PRDM16: variants seen among roughly 807,000 people sequenced by gnomAD.
The protein encoded by PRDM16 is PR/SET domain 16.
In PRDM16, 23 loss-of-function variants were observed where a neutral mutation model predicts 110.6. The observed-to-expected ratio is 0.21, with a 90% CI of 0.15 to 0.29. The LOEUF (loss-of-function observed/expected upper bound fraction) is 0.29, where lower values mean the gene tolerates loss of function less well. PRDM16 is among the 10% of genes least tolerant of loss of function. The probability of loss-of-function intolerance (pLI) is 1.00; values close to 1 mark genes in which losing one functional copy is unlikely to be tolerated. For synonymous variants in PRDM16, 799 were observed against 781.8 expected (o/e 1.02, Z -0.37); for missense variants, 1,615 against 1,794.3 (o/e 0.90, Z 1.81).
intron 1 of PRDM16, among the ~76,000 whole-genome samples, chr1:3,163,596 G>T (rs995719585): frequency 6.6e-6 from 1 of 152,152 alleles, no homozygotes; most frequent in Non-Finnish European, 1.5e-5. Context: ...CTCCTCCCAC[G>T]GTCCTCAGGG....
At chr1:3,342,519 A>G (rs1642291152) in intron 3 of PRDM16, among the ~76,000 whole-genome samples, 1 of 152,234 alleles carries the variant, frequency 6.6e-6, no homozygotes, top group Non-Finnish European at 1.5e-5. Context: ...CCATGCCTGT[A>G]TGATGTGTGA....
chr1:3,109,638 C>T (rs943791553), intron 1 of PRDM16, among the ~76,000 whole-genome samples: 6 of 152,188 alleles, frequency 3.9e-5, no homozygotes, highest in Non-Finnish European at 7.3e-5. Context: ...GGCAAGAATC[C>T]GAACTCCTCC....
chr1:3,229,234 T>TA (rs1165307122), intron 2 of PRDM16, among the ~76,000 whole-genome samples: 1 of 152,168 alleles, frequency 6.6e-6, no homozygotes, highest in Non-Finnish European at 1.5e-5. Flanking sequence ...GGGCCATCGT[T>TA]ACCCACACAC....
Position 3,255,716 on chromosome 1 carries a change from G to A in PRDM16, c.438+11579G>A, listed in dbSNP as rs1640028503. Among the ~76,000 whole-genome samples, 1 of 152,208 alleles carries A rather than the reference G, an allele frequency of 6.6e-6. No individual in the cohort carries two copies. Among genetic ancestry groups the A allele is most frequent in the Non-Finnish European group, 1.5e-5 (1 of 68,024 alleles). ...CTGCCTGCCCCCCTTGGATGCCAGA[G>A]CTATCTGGGAGTTGTGAAATATTCC... On this transcript the variant is annotated intron_variant, in intron 3 of 16. Transcript: ENST00000270722. This position sits in a 1 kb window ranked among gnomAD's most constrained non-coding sequence, Gnocchi z 4.7.
intron 1 of PRDM16, among the ~76,000 whole-genome samples, chr1:3,131,461 AT>A (rs1643333901): frequency 6.6e-6 from 1 of 152,194 alleles, no homozygotes. Context: ...TTGTAGTTCC[AT>A]TCACAGAGCT....
intron 1 of PRDM16, among the ~76,000 whole-genome samples, chr1:3,083,905 G>C (rs961886225): frequency 4.6e-5 from 7 of 152,222 alleles, no homozygotes. Flanking sequence ...CATGGAACAC[G>C]TGGTTGACAC....
At chr1:3,110,859 C>T (rs1642775302) in intron 1 of PRDM16, among the ~76,000 whole-genome samples, 1 of 152,134 alleles carries the variant, frequency 6.6e-6, no homozygotes, top group African/African-American at 2.4e-5. Context: ...GGATGAGGTG[C>T]AGCTCTTGGG....
chr1:3,200,995 G>A (rs1185033824), intron 2 of PRDM16, among the ~76,000 whole-genome samples: 1 of 151,908 alleles, frequency 6.6e-6, no homozygotes, highest in Admixed American at 6.6e-5. Context: ...GGGGGAGGAA[G>A]GGGAAGAGGA....
intron 3 of PRDM16, among the ~76,000 whole-genome samples, chr1:3,264,500 GAGAGGCGC>G (rs1490541216): frequency 6.6e-6 from 1 of 151,528 alleles, no homozygotes; most frequent in Non-Finnish European, 1.5e-5. Context: ...GAGGAAAGGG[GAGAGGCGC>G]AGAGGGGCAT....
chr1:3,212,766 C>G (rs1304466854), intron 2 of PRDM16, among the ~76,000 whole-genome samples: 2 of 152,128 alleles, frequency 1.3e-5, no homozygotes, highest in Admixed American at 6.5e-5. Context: ...CCACCAGCAC[C>G]TGCATTTCCG....
rs1640259773 is a variant in PRDM16, at chr1:3,265,219, G to A, written c.438+21082G>A. On this transcript the variant is annotated intron_variant, in intron 3 of 16. Transcript: ENST00000270722. This position sits in a 1 kb window ranked among gnomAD's most constrained non-coding sequence, Gnocchi z 4.5. The stretch of plus-strand genomic sequence containing the variant: ...ACAGGAGCAGGGCTCTGGGTCCGGA[G>A]AAATTGCAACCATGGCTTGACAACA... Among the ~76,000 whole-genome samples the A allele has an allele frequency of 6.6e-6, 1 of 152,156 alleles. No individual in the cohort carries two copies. Among genetic ancestry groups the A allele is most frequent in the Non-Finnish European group, 1.5e-5 (1 of 68,020 alleles).
intron 1 of PRDM16, among the ~76,000 whole-genome samples, chr1:3,072,345 T>A (rs1464245260): frequency 6.6e-6 from 1 of 151,974 alleles, no homozygotes; most frequent in East Asian, 1.9e-4. Flanking sequence ...GATGTGCCAG[T>A]CGGCACCCCC....
At chr1:3,341,061 G>T (rs747297701) in intron 3 of PRDM16, among the ~76,000 whole-genome samples, 1 of 130,806 alleles carries the variant, frequency 7.6e-6, no homozygotes, top group Non-Finnish European at 1.8e-5. Flanking sequence ...CCAAGTTGCT[G>T]CCCCCTGAGC....
At chr1:3,172,005 G>A (rs1644031239) in intron 1 of PRDM16, among the ~76,000 whole-genome samples, 1 of 152,204 alleles carries the variant, frequency 6.6e-6, no homozygotes, top group South Asian at 2.1e-4. Context: ...GCATCCCTGG[G>A]CCCAGCGGGA....
intron 3 of PRDM16, among the ~76,000 whole-genome samples, chr1:3,297,490 G>A (rs1220089236): frequency 6.6e-6 from 1 of 152,048 alleles, no homozygotes. Flanking sequence ...TGCCATGTTG[G>A]CTAGGCTGGT....
At chr1:3,324,723 CT>C (rs1365726215) in intron 3 of PRDM16, among the ~76,000 whole-genome samples, 13 of 151,650 alleles carry the variant, frequency 8.6e-5, no homozygotes, top group Non-Finnish European at 1.6e-4. Context: ...GATGTCCCCC[CT>C]GATTCCGTCG....
At chr1:3,424,103 A>G (rs2483234) in intron 12 of PRDM16, among the ~76,000 whole-genome samples, 135,886 of 152,252 alleles carry the variant, frequency 0.89, 60,898 homozygotes, top group Non-Finnish European at 0.93. Flanking sequence ...AGCCAGTCCC[A>G]GCCCCCCGCC....
intron 1 of PRDM16, among the ~76,000 whole-genome samples, chr1:3,140,573 CA>C (rs1377148085): frequency 2.6e-5 from 4 of 152,238 alleles, no homozygotes; most frequent in African/African-American, 9.6e-5. Flanking sequence ...CTCTCTAACT[CA>C]GGAGCAATTC....
chr1:3,341,651 T>C (rs964889301), intron 3 of PRDM16, among the ~76,000 whole-genome samples: 1 of 152,222 alleles, frequency 6.6e-6, no homozygotes, highest in Non-Finnish European at 1.5e-5. Flanking sequence ...GAAGTGATCA[T>C]AATAATTCAA....
Sources: allele counts gnomAD v4.1 joint callset (sites outside exome capture counted in the v4.1 genomes callset), GRCh38; gene constraint gnomAD v4.1.1; non-coding constraint Gnocchi (gnomAD v3.1); transcripts MANE v1.5; gene names NCBI Gene and HGNC (gene_info 2026-07-23, HGNC 2026-07-21).